Variants in ULK4 observed in about 807,000 individuals in gnomAD.
The protein encoded by ULK4 is inactive serine/threonine-protein kinase ULK4.
A neutral mutation model predicts 160.6 loss-of-function variants in ULK4; 133 were observed. The ratio of observed to expected loss-of-function variants is 0.83; its 90% CI spans 0.72 to 0.96. The LOEUF (loss-of-function observed/expected upper bound fraction) is 0.96, where lower values mean the gene tolerates loss of function less well. ULK4 is among the 40% of genes least tolerant of loss of function. The probability of loss-of-function intolerance (pLI) is 0.00; values close to 1 mark genes in which losing one functional copy is unlikely to be tolerated. For missense variants in ULK4, 1,580 were observed against 1,499.5 expected, an observed-to-expected ratio of 1.05 and a Z score of -0.89; for synonymous variants, 534 against 539.8, an observed-to-expected ratio of 0.99 and a Z score of 0.15.
At chr3:41,872,303 T>C (rs1467729042) in intron 17 of ULK4, among the ~76,000 whole-genome samples, 1 of 152,224 alleles carries the variant, frequency 6.6e-6, no homozygotes, top group Admixed American at 6.5e-5. Flanking sequence ...GCTGCTGCTT[T>C]CTGCTGGGTT....
intron 35 of ULK4, among the ~76,000 whole-genome samples, chr3:41,373,209 T>A (rs1256138456): frequency 6.6e-6 from 1 of 152,144 alleles, no homozygotes; most frequent in South Asian, 2.1e-4. Context: ...CACCCCACTG[T>A]CAATATTAGG....
Position 41,890,162 on chromosome 3 carries a change from G to C in ULK4, c.1577+5356C>G, listed in dbSNP as rs186036254. Among the ~76,000 whole-genome samples, 148 of 152,276 alleles carry C rather than the reference G, an allele frequency of 9.7e-4. 1 individual carries two copies. The highest frequency in any genetic ancestry group is 3.4e-3 in the African/African-American group (141 of 41,534). On this transcript the variant is annotated intron_variant, in intron 16 of 36. Transcript: ENST00000301831. ...CTGAAATTAGATAATGGCAATGGTT[G>C]AACAACTTTCAATATACTAACACCT...
At chr3:41,363,636 T>C (rs1429748162) in intron 35 of ULK4, among the ~76,000 whole-genome samples, 2 of 152,214 alleles carry the variant, frequency 1.3e-5, no homozygotes, top group African/African-American at 4.8e-5. Flanking sequence ...AATGGGCCTT[T>C]ACTAAAGAAA....
intron 9 of ULK4, 122 bp downstream of exon 9, chr3:41,912,685 G>T: frequency 1.3e-6 from 1 of 785,792 alleles, no homozygotes; most frequent in Non-Finnish European, 2.0e-6. Context: ...TTAAACAAAC[G>T]CTGGATTTTC....
chr3:41,719,073 G>A (rs2037368324), intron 22 of ULK4, among the ~76,000 whole-genome samples: 1 of 152,022 alleles, frequency 6.6e-6, no homozygotes, highest in African/African-American at 2.4e-5. Flanking sequence ...AAATCCAATG[G>A]GCCTTCATCT....
intron 35 of ULK4, among the ~76,000 whole-genome samples, chr3:41,365,622 T>C (rs148180333): frequency 1.3e-5 from 2 of 152,202 alleles, no homozygotes; most frequent in Non-Finnish European, 2.9e-5. Context: ...TGTCTAGTTT[T>C]TTATGATAGA....
intron 30 of ULK4, among the ~76,000 whole-genome samples, chr3:41,631,945 AT>A (rs2033764598): frequency 6.6e-6 from 1 of 152,066 alleles, no homozygotes; most frequent in African/African-American, 2.4e-5. Context: ...TCACTCCCAC[AT>A]TCTGTCCAGT....
intron 35 of ULK4, among the ~76,000 whole-genome samples, chr3:41,375,202 T>C (rs1415106048): frequency 6.6e-6 from 1 of 152,162 alleles, no homozygotes; most frequent in East Asian, 1.9e-4. Flanking sequence ...AGAACAGCCA[T>C]ACTGCCCAAA....
At chr3:41,683,927 G>A (rs150790866) in intron 27 of ULK4, among the ~76,000 whole-genome samples, 4 of 152,274 alleles carry the variant, frequency 2.6e-5, no homozygotes, top group African/African-American at 9.6e-5. Flanking sequence ...GACCCTGGGT[G>A]CTATCTTTGT....
chr3:41,410,317 A>G (rs537220078), intron 34 of ULK4, among the ~76,000 whole-genome samples: 1 of 152,350 alleles, frequency 6.6e-6, no homozygotes, highest in African/African-American at 2.4e-5. Context: ...AATGCGATAC[A>G]CTCATATAAT....
At chr3:41,701,252 A>T (rs755608844) in intron 27 of ULK4, among the ~76,000 whole-genome samples, 47 of 152,256 alleles carry the variant, frequency 3.1e-4, no homozygotes, top group Non-Finnish European at 6.5e-4. Flanking sequence ...ATAAGTAAAA[A>T]AGAAATTTAT....
At chr3:41,887,999 C>T (rs1234325715) in intron 16 of ULK4, among the ~76,000 whole-genome samples, 1 of 148,140 alleles carries the variant, frequency 6.8e-6, no homozygotes, top group East Asian at 2.0e-4. Flanking sequence ...CCTGTCTCCA[C>T]AAAAAGAAAA....
Position 41,911,332 on chromosome 3 carries a change from G to T in ULK4, c.1070C>A (p.Ser357Tyr), listed in dbSNP as rs370525165. 88 of 1,613,804 alleles carry T rather than the reference G, an allele frequency of 5.5e-5. No individual in the cohort carries two copies. Among genetic ancestry groups the T allele is most frequent in the Non-Finnish European group, 7.3e-5 (86 of 1,179,994 alleles). The change falls in exon 11 of 37, where the codon TCC becomes TAC. Residue 357 changes from serine to tyrosine, a missense_variant. By Grantham distance (144) the Ser-to-Tyr change is moderately radical. Coordinates refer to ENST00000301831, the MANE Select transcript of ULK4 (RefSeq NM_017886.4). ...TTTTACCTACCTGAGAAGAAACATG[G>T]ATTCATTCAATTGACCCTCAAGAGT... ...KSTLEGQLNESMFLLSSRPTP... is the reference protein window; with the variant it reads ...KSTLEGQLNEYMFLLSSRPTP...
At chr3:41,661,511 GAT>G (rs201853453) in intron 30 of ULK4, among the ~76,000 whole-genome samples, 1 of 105,822 alleles carries the variant, frequency 9.4e-6, no homozygotes, top group African/African-American at 1.2e-4. Context: ...ATAGATAGAT[GAT>G]AGATAGATAG....
chr3:41,695,626 G>C (rs2036465190), intron 27 of ULK4, among the ~76,000 whole-genome samples: 2 of 152,082 alleles, frequency 1.3e-5, no homozygotes, highest in South Asian at 4.1e-4. Flanking sequence ...ATAAAAACAG[G>C]AATCTGTGGT....
intron 20 of ULK4, among the ~76,000 whole-genome samples, chr3:41,799,877 TATTA>T (rs2040405164): frequency 6.6e-6 from 1 of 152,012 alleles, no homozygotes; most frequent in Admixed American, 6.6e-5. Flanking sequence ...TAAATAAACT[TATTA>T]ATTAGTTTTT....
intron 18 of ULK4, among the ~76,000 whole-genome samples, chr3:41,820,565 G>C (rs1159992951): frequency 2.0e-5 from 3 of 152,074 alleles, no homozygotes; most frequent in Non-Finnish European, 4.4e-5. Flanking sequence ...TCACTTGTGA[G>C]AACTAAACAT....
chr3:41,952,800 C>T (rs963624721), intron 2 of ULK4, among the ~76,000 whole-genome samples: 3 of 152,096 alleles, frequency 2.0e-5, no homozygotes, highest in African/African-American at 7.2e-5. Context: ...AGTTAAAACA[C>T]GGAAGCAACT....
intron 31 of ULK4, among the ~76,000 whole-genome samples, chr3:41,573,647 C>T (rs916660243): frequency 2.6e-5 from 4 of 152,248 alleles, no homozygotes; most frequent in South Asian, 2.1e-4. Context: ...GTGTTGGGCA[C>T]GCAGCATCTA....
Sources: gnomAD v4.1 joint callset for allele counts (sites outside exome capture counted in the v4.1 genomes callset) on GRCh38, gnomAD v4.1.1 for gene constraint, MANE v1.5 for transcripts, NCBI Gene and HGNC (gene_info 2026-07-23, HGNC 2026-07-21) for gene names.